ZC3H12B: variants seen among roughly 807,000 people sequenced by gnomAD.
ZC3H12B encodes the protein probable ribonuclease ZC3H12B.
A neutral mutation model predicts 43.9 loss-of-function variants in ZC3H12B; 7 were observed. That is an observed-to-expected ratio of 0.16 (90% CI 0.09 to 0.30). ZC3H12B has a LOEUF of 0.30. ZC3H12B is among the 10% of genes least tolerant of loss of function. The pLI, the probability that ZC3H12B is intolerant of heterozygous loss-of-function variation, is 1.00. For synonymous variants in ZC3H12B, 222 were observed against 241.7 expected, an observed-to-expected ratio of 0.92 and a Z score of 0.76; for missense variants, 475 against 670.2, an observed-to-expected ratio of 0.71 and a Z score of 3.22.
In ZC3H12B at chrX:65,502,772, C is replaced by G. The variant is rs758539246; in HGVS notation, c.2074C>G (p.Pro692Ala). Residue 692 changes from proline (P) to alanine (A), a missense_variant, in exon 5 of 5, where the codon CCA (proline) becomes GCA (alanine). Coordinates refer to ENST00000338957, the Ensembl canonical transcript of ZC3H12B. The stretch of plus-strand genomic sequence containing the variant: ...TATCCATCCTGGGGCAACCCCCCAG[C>G]CAGGCCGTGCCCTGGTGATGACTCG... 4.1e-6 allele frequency: 5 copies of G among 1,207,169 alleles called. No homozygotes were observed. The South Asian group carries it at 8.9e-5, about 21-fold the overall frequency.
the ZC3H12B span, among the ~76,000 whole-genome samples, chrX:65,351,856 TAC>T: frequency 8.9e-6 from 1 of 112,440 alleles, no homozygotes; most frequent in African/African-American, 3.2e-5. Context: ...GGAACACTTT[TAC>T]ACAGTCAGTG....
chrX:65,390,884 C>A (rs771613428), intron 2 of ZC3H12B, among the ~76,000 whole-genome samples: 1 of 111,761 alleles, frequency 8.9e-6, no homozygotes, highest in East Asian at 2.8e-4. Flanking sequence ...TCTTCTCTGG[C>A]AAAACAGAAT....
At chrX:65,402,222 T>A (rs2066771533) in intron 3 of ZC3H12B, among the ~76,000 whole-genome samples, 1 of 111,969 alleles carries the variant, frequency 8.9e-6, no homozygotes. Flanking sequence ...AGAGTGAAGG[T>A]TCTCTTCCTT....
chrX:65,201,639 C>CCTCTCT, the ZC3H12B span, among the ~76,000 whole-genome samples: 62 of 64,545 alleles, frequency 9.6e-4, no homozygotes, highest in Middle Eastern at 8.6e-3. Flanking sequence ...TGAAAGATCA[C>CCTCTCT]CTCTCTCTCT....
At chrX:65,492,202 C>T (rs1363471224) in intron 1 of ZC3H12B, among the ~76,000 whole-genome samples, 1 of 111,472 alleles carries the variant, frequency 9.0e-6, no homozygotes, top group Non-Finnish European at 1.9e-5. Context: ...TTGAGAAGAA[C>T]CTAAGGCATT....
the ZC3H12B span, among the ~76,000 whole-genome samples, chrX:65,239,394 C>T: frequency 1.8e-5 from 2 of 110,055 alleles, no homozygotes; most frequent in African/African-American, 3.3e-5. Context: ...GATTGCAACA[C>T]CTGCTCTTTT....
chrX:65,070,021 A>G, the ZC3H12B span, among the ~76,000 whole-genome samples: 1 of 108,840 alleles, frequency 9.2e-6, no homozygotes, highest in Non-Finnish European at 1.9e-5. Flanking sequence ...TGGGAGTGGT[A>G]CAGATTTTTT....
the ZC3H12B span, among the ~76,000 whole-genome samples, chrX:65,359,971 C>T: frequency 8.9e-6 from 1 of 111,783 alleles, no homozygotes; most frequent in African/African-American, 3.2e-5. Flanking sequence ...ATTCTTCAGG[C>T]GCCACCACCC....
At chrX:65,343,543 G>A in the ZC3H12B span, among the ~76,000 whole-genome samples, 1 of 111,748 alleles carries the variant, frequency 8.9e-6, no homozygotes, top group African/African-American at 3.2e-5. Context: ...CAAGAAATGT[G>A]ATTCATCACC....
chrX:65,293,330 G>A, the ZC3H12B span, among the ~76,000 whole-genome samples: 1 of 109,615 alleles, frequency 9.1e-6, no homozygotes, highest in Admixed American at 9.7e-5. Flanking sequence ...ATCACACCTT[G>A]GGACAAAAAA....
At chrX:65,171,889 A>C in the ZC3H12B span, among the ~76,000 whole-genome samples, 3 of 110,763 alleles carry the variant, frequency 2.7e-5, no homozygotes, top group Admixed American at 9.6e-5. Context: ...AGACCATTGG[A>C]AATGCACAGT....
At chrX:65,135,539 C>T in the ZC3H12B span, among the ~76,000 whole-genome samples, 9 of 94,996 alleles carry the variant, frequency 9.5e-5, no homozygotes, top group East Asian at 2.3e-3. Context: ...TATATTTGAG[C>T]TTATTTTTTC....
At chrX:65,428,501 A>T (rs1428812223) in intron 3 of ZC3H12B, among the ~76,000 whole-genome samples, 1 of 112,360 alleles carries the variant, frequency 8.9e-6, no homozygotes, top group Non-Finnish European at 1.9e-5. Context: ...TTTCAGAAAG[A>T]TAGTCTTCAA....
chrX:65,235,572 G>A, the ZC3H12B span, among the ~76,000 whole-genome samples: 4 of 111,058 alleles, frequency 3.6e-5, no homozygotes, highest in African/African-American at 1.3e-4. Context: ...GCTGAGTTCA[G>A]CTTGCATCCC....
At chrX:65,455,293 G>T (rs1429659743) in intron 3 of ZC3H12B, among the ~76,000 whole-genome samples, 1 of 112,335 alleles carries the variant, frequency 8.9e-6, no homozygotes, top group Non-Finnish European at 1.9e-5. Context: ...GGACCTGATG[G>T]AGCTGAAAAC....
At chrX:65,502,908 C>T in exon 5 of ZC3H12B, 2 of 1,211,920 alleles carry the variant, frequency 1.7e-6, no homozygotes, top group Non-Finnish European at 2.2e-6. Context: ...CCCTGTACAA[C>T]TGACTCCTAT....
At chrX:65,477,685 A>C (rs2068012201) in intron 3 of ZC3H12B, among the ~76,000 whole-genome samples, 1 of 110,008 alleles carries the variant, frequency 9.1e-6, no homozygotes, top group Non-Finnish European at 1.9e-5. Context: ...TCACTTGAAC[A>C]CGGGAGGCGG....
chrX:65,113,704 G>T, the ZC3H12B span, among the ~76,000 whole-genome samples: 1 of 109,905 alleles, frequency 9.1e-6, no homozygotes, highest in Non-Finnish European at 1.9e-5. Flanking sequence ...CCACCACGCT[G>T]ATCAGTCAGC....
At chrX:65,440,063 C>T (rs1420773011) in intron 3 of ZC3H12B, among the ~76,000 whole-genome samples, 3 of 112,161 alleles carry the variant, frequency 2.7e-5, no homozygotes, top group Non-Finnish European at 5.6e-5. Context: ...ATGCTAGATT[C>T]AACTGTGTAT....
Sources: allele counts gnomAD v4.1 joint callset (sites outside exome capture counted in the v4.1 genomes callset), GRCh38; gene constraint gnomAD v4.1.1; transcripts MANE v1.5; gene names NCBI Gene and HGNC (gene_info 2026-07-23, HGNC 2026-07-21).